The following PTPRZ1 variants were observed in gnomAD, a reference collection of about 807,000 sequenced individuals.
PTPRZ1 encodes protein tyrosine phosphatase receptor type Z1, also known as receptor-type tyrosine-protein phosphatase zeta.
PTPRZ1 carries 82 observed loss-of-function variants against 214.1 expected under a neutral mutation model. The ratio of observed to expected loss-of-function variants is 0.38; its 90% confidence interval spans 0.32 to 0.46. The LOEUF is 0.46. PTPRZ1 is among the 20% of genes least tolerant of loss of function. The pLI is 1.00. For missense variants in PTPRZ1, 2,603 were observed against 2,748.7 expected (o/e 0.95, Z 1.19); for synonymous variants, 945 against 987.9 (o/e 0.96, Z 0.81).
At chr7:122,030,765 C>CA (rs1245550820) in intron 14 of PTPRZ1, among the ~76,000 whole-genome samples, 2 of 151,644 alleles carry the variant, frequency 1.3e-5, no homozygotes, top group Non-Finnish European at 2.9e-5. Context: ...TATATTCAGT[C>CA]TAAGAAAGTC....
In PTPRZ1 at chr7:121,873,319, C is replaced by G; in HGVS notation, c.-181C>G. ...TCTCTCTCTGTCTCTGTCTCTGTCT[C>G]TCTCTCTCTCACACACACACACACA... On this transcript the variant is annotated 5_prime_UTR_variant, in exon 1 of 30. Transcript: ENST00000393386. The G allele has an allele frequency of 1.8e-6, 1 of 541,016 alleles. No individual in the cohort carries two copies. The highest frequency in any genetic ancestry group is 2.3e-5 in the South Asian group (1 of 43,506). 33.5% of individuals were successfully genotyped at this position (541,016 alleles called of 1,614,324 possible). A position where few individuals can be genotyped will look rare whatever the true frequency, so the allele number is the denominator to read the frequency against.
intron 2 of PTPRZ1, among the ~76,000 whole-genome samples, chr7:121,948,087 G>A (rs1347603090): frequency 1.3e-5 from 2 of 151,960 alleles, no homozygotes; most frequent in African/African-American, 4.8e-5. Context: ...GAGAGCTAAG[G>A]GAAATGATGA....
At chr7:121,897,161 T>C (rs1033107513) in intron 1 of PTPRZ1, among the ~76,000 whole-genome samples, 1 of 152,190 alleles carries the variant, frequency 6.6e-6, no homozygotes, top group Non-Finnish European at 1.5e-5. Context: ...TTGTTTTTCT[T>C]GTTATTATTG....
chr7:122,059,026 G>A, intron 28 of PTPRZ1, 84 bp downstream of exon 28: 1 of 1,300,812 alleles, frequency 7.7e-7, no homozygotes, highest in Non-Finnish European at 1.0e-6. Context: ...CAAACCTAAT[G>A]CTTTGGACCC....
chr7:121,922,008 A>G (rs1030950656), intron 1 of PTPRZ1, among the ~76,000 whole-genome samples: 1 of 152,206 alleles, frequency 6.6e-6, no homozygotes, highest in Non-Finnish European at 1.5e-5. Context: ...CTTCACAGCA[A>G]GCCAATCCTT....
Position 122,019,213 on chromosome 7 carries a change from T to A in PTPRZ1, c.4933T>A (p.Ser1645Thr), listed in dbSNP as rs748300944. Residue 1645 changes from serine to threonine, a missense_variant, in exon 13 of 30, where the codon TCA becomes ACA. Ser to Thr is a moderately conservative substitution (Grantham distance 58, BLOSUM62 1). Transcript: ENST00000393386. ...KKAVIPLVIVSALTFICLVVL... is the reference protein window; with the variant it reads ...KKAVIPLVIVTALTFICLVVL... Reference sequence around the variant, plus strand: ...GGCAGTTATACCCCTTGTGATCGTGTCAGCCCTGACTTTTATCTGTCTAGT... The same window carrying A: ...GGCAGTTATACCCCTTGTGATCGTGACAGCCCTGACTTTTATCTGTCTAGT... 6.2e-7 allele frequency: 1 copy of A among 1,612,574 alleles called. No homozygotes were observed. Among genetic ancestry groups the A allele is most frequent in the Non-Finnish European group, 8.5e-7 (1 of 1,178,604 alleles).
At chr7:121,882,708 G>T (rs1725902959) in intron 1 of PTPRZ1, among the ~76,000 whole-genome samples, 1 of 152,132 alleles carries the variant, frequency 6.6e-6, no homozygotes, top group South Asian at 2.1e-4. Context: ...AGCATAGGAT[G>T]GATTGAAGCC....
chr7:121,971,828 C>A (rs1038107734), intron 3 of PTPRZ1, among the ~76,000 whole-genome samples: 1 of 152,142 alleles, frequency 6.6e-6, no homozygotes, highest in Non-Finnish European at 1.5e-5. Flanking sequence ...CCTAATGGAA[C>A]AGAGACTATT....
chr7:122,039,581 TA>T lies in PTPRZ1; in HGVS notation c.5636del (p.Lys1879ArgfsTer34). ...VRNFTLRNTK[I>X]KKGSQKGRPS... Reference sequence around the variant, plus strand: ...AATTTTACTCTAAGAAACACAAAAATAAAAAAGGTGAGTCAACAAAATGATG... The same window carrying T: ...AATTTTACTCTAAGAAACACAAAAATAAAAAGGTGAGTCAACAAAATGATG... On this transcript the variant is annotated frameshift_variant, in exon 20 of 30. Coordinates refer to ENST00000393386, the MANE Select transcript of PTPRZ1 (RefSeq NM_002851.3). LOFTEE classifies it high-confidence loss of function. 6.2e-7 allele frequency: 1 copy of T among 1,612,268 alleles called. No individual in the cohort carries two copies. The highest frequency in any genetic ancestry group is 8.5e-7 in the Non-Finnish European group (1 of 1,179,564).
intron 2 of PTPRZ1, among the ~76,000 whole-genome samples, chr7:121,950,469 A>T (rs776279266): frequency 1.3e-5 from 2 of 152,236 alleles, no homozygotes; most frequent in Non-Finnish European, 2.9e-5. Flanking sequence ...AGTGATAAAG[A>T]AGCAAAGTAA....
At chr7:122,054,699 A>C (rs941482781) in intron 26 of PTPRZ1, among the ~76,000 whole-genome samples, 2 of 152,074 alleles carry the variant, frequency 1.3e-5, no homozygotes, top group African/African-American at 4.8e-5. Flanking sequence ...CAATAAGCTT[A>C]TCATTGTTGA....
chr7:121,996,693 CTGAG>C (rs1422675668), intron 9 of PTPRZ1, 127 bp downstream of exon 9: 6 of 681,598 alleles, frequency 8.8e-6, no homozygotes, highest in Non-Finnish European at 1.3e-5. Context: ...GTGGGGTAGG[CTGAG>C]TATTTTTAAA....
At chr7:122,025,554 C>T (rs1265432566) in intron 13 of PTPRZ1, among the ~76,000 whole-genome samples, 1 of 152,088 alleles carries the variant, frequency 6.6e-6, no homozygotes, top group African/African-American at 2.4e-5. Flanking sequence ...TGGTCTTGAA[C>T]TCCCGACCTC....
At chr7:121,974,709 T>G (rs576072754) in intron 4 of PTPRZ1, among the ~76,000 whole-genome samples, 1 of 152,204 alleles carries the variant, frequency 6.6e-6, no homozygotes, top group East Asian at 1.9e-4. Flanking sequence ...AGGCTGGTCT[T>G]GAACTCCTGA....
rs189480198 is a variant in PTPRZ1 at position 121,946,555 on chromosome 7, G to A, written c.124+18334G>A. 2.2e-4 allele frequency among the ~76,000 whole-genome samples: 33 copies of A among 152,204 alleles called. 1 individual carries two copies. ...CAGTGGTAGTAATATTTTGTATCCT[G>A]TTGAACAAAATAGGAAACCTTGAGT... On this transcript the variant is annotated intron_variant, in intron 2 of 29. Coordinates refer to ENST00000393386, the MANE Select transcript of PTPRZ1 (RefSeq NM_002851.3).
chr7:121,885,617 TA>T (rs1245482023), intron 1 of PTPRZ1, among the ~76,000 whole-genome samples: 1 of 152,218 alleles, frequency 6.6e-6, no homozygotes, highest in East Asian at 1.9e-4. Flanking sequence ...ATTCTTGGCA[TA>T]AGAAATCAAG....
chr7:121,958,818 TTTG>T (rs1005079592), intron 2 of PTPRZ1, among the ~76,000 whole-genome samples: 4 of 151,952 alleles, frequency 2.6e-5, no homozygotes, highest in Admixed American at 1.3e-4. Flanking sequence ...AATGACATCT[TTTG>T]TTGTTGTTGT....
chr7:121,983,951 T>C lies in PTPRZ1; in HGVS notation c.778-16T>C, dbSNP rs1004212979. The C allele has an allele frequency of 1.2e-5, 20 of 1,609,258 alleles. No individual in the cohort carries two copies. Among genetic ancestry groups the C allele is most frequent in the African/African-American group, 9.4e-5 (7 of 74,834 alleles). The stretch of plus-strand genomic sequence containing the variant: ...CTTTGAAGCAGATATGTTAAATTAT[T>C]TGATCTTTTTTTCAGTTGGCTGTTT... On this transcript the variant is annotated splice_polypyrimidine_tract_variant and intron_variant, in intron 7 of 29. Transcript: ENST00000393386.
At position 122,038,865 on chromosome 7, in the gene PTPRZ1, A is replaced by G. The variant is rs749424317; in HGVS notation, c.5478A>G (p.Ile1826Met). 5.0e-6 allele frequency: 8 copies of G among 1,613,914 alleles called. No homozygotes were observed. In the South Asian group the frequency reaches 8.8e-5, roughly 18 times the overall value. ...WEHNVEVIVM[I>M]TNLVEKGRRK... The stretch of plus-strand genomic sequence containing the variant: ...ATAATGTGGAAGTTATTGTCATGAT[A>G]ACAAACCTCGTGGAGAAAGGAAGGG... The change falls in exon 19 of 30, where the codon ATA (isoleucine) becomes ATG (methionine). Residue 1826 changes from isoleucine to methionine, a missense_variant. Coordinates refer to ENST00000393386, the MANE Select transcript of PTPRZ1 (RefSeq NM_002851.3).
Sources: gnomAD v4.1 joint callset for allele counts (sites outside exome capture counted in the v4.1 genomes callset) on GRCh38, gnomAD v4.1.1 for gene constraint, MANE v1.5 for transcripts, NCBI Gene and HGNC (gene_info 2026-07-23, HGNC 2026-07-21) for gene names.